PLXNA4: variants seen among roughly 807,000 people sequenced by gnomAD.
PLXNA4 encodes the protein plexin A4.
In PLXNA4, 44 loss-of-function variants were observed where a neutral mutation model predicts 191.8. The ratio of observed to expected loss-of-function variants is 0.23; its 90% CI spans 0.18 to 0.29. PLXNA4 has a LOEUF of 0.29. Among genes scored for constraint, PLXNA4 ranks in the 10% least tolerant of loss-of-function variants. PLXNA4 has a pLI of 1.00. For synonymous variants in PLXNA4, 1,082 were observed against 1,009.5 expected, an observed-to-expected ratio of 1.07 and a Z score of -1.36; for missense variants, 1,800 against 2,488.8, an observed-to-expected ratio of 0.72 and a Z score of 5.89.
At chr7:132,583,973 T>C (rs1802458576) in intron 2 of PLXNA4, among the ~76,000 whole-genome samples, 1 of 152,204 alleles carries the variant, frequency 6.6e-6, no homozygotes, top group African/African-American at 2.4e-5. Flanking sequence ...AATCAGCCAC[T>C]GTGGATGTAT....
In PLXNA4 at chr7:132,202,674, CT is replaced by C; in HGVS notation, c.2557del (p.Ser853AlafsTer11). The stretch of plus-strand genomic sequence containing the variant: ...TGTGATGCGGGGGTTTGTGCACTTG[CT>C]TTTGGCACCAGACAGCTCCAGCCAC... ...SQWLELSGAK[S>X]KCTNPRITEI... On this transcript the variant is annotated frameshift_variant, in exon 12 of 32. Coordinates refer to ENST00000321063, the MANE Select transcript of PLXNA4 (RefSeq NM_020911.2). LOFTEE classifies it high-confidence loss of function. 6.4e-7 allele frequency: 1 copy of C among 1,551,068 alleles called. No individual in the cohort carries two copies.
intron 9 of PLXNA4, among the ~76,000 whole-genome samples, chr7:132,213,975 T>A (rs1797883734): frequency 6.6e-6 from 1 of 152,146 alleles, no homozygotes; most frequent in African/African-American, 2.4e-5. Flanking sequence ...CCCCATCTAT[T>A]TTGCAAAGGA....
chr7:132,182,203 AAAG>A lies in PLXNA4; in HGVS notation c.3159-16_3159-14del, dbSNP rs746548439. 3 of 1,613,714 alleles carry A rather than the reference AAAG, an allele frequency of 1.9e-6. No individual in the cohort carries two copies. The highest frequency in any genetic ancestry group is 2.2e-5 in the East Asian group (1 of 44,872). Reference sequence around the variant, plus strand: ...GGGTGTGTTTCCACTGAGCAGGAAGAAAGAAGGAGATGTGTAAATGATAAGTTC... The same window carrying A: ...GGGTGTGTTTCCACTGAGCAGGAAGAAAGGAGATGTGTAAATGATAAGTTC... On this transcript the variant is annotated splice_polypyrimidine_tract_variant and intron_variant, in intron 16 of 31. Coordinates refer to ENST00000321063, the MANE Select transcript of PLXNA4 (RefSeq NM_020911.2).
chr7:132,217,656 C>T (rs10155980), intron 9 of PLXNA4, among the ~76,000 whole-genome samples: 146 of 152,218 alleles, frequency 9.6e-4, no homozygotes, highest in African/African-American at 3.2e-3. Context: ...AAAAATGTAA[C>T]GCATCATATA....
At chr7:132,516,153 C>A (rs1454979657) in intron 1 of PLXNA4, among the ~76,000 whole-genome samples, 1 of 152,158 alleles carries the variant, frequency 6.6e-6, no homozygotes, top group African/African-American at 2.4e-5. Flanking sequence ...AGGGACCAAC[C>A]TAAAAAACTG....
intron 3 of PLXNA4, among the ~76,000 whole-genome samples, chr7:132,470,530 T>A (rs748566297): frequency 7.8e-4 from 118 of 152,122 alleles, no homozygotes; most frequent in Non-Finnish European, 1.2e-3. Context: ...GATGTCCACA[T>A]CCTAATCCTC....
At chr7:132,414,652 C>G (rs1794592534) in intron 3 of PLXNA4, among the ~76,000 whole-genome samples, 1 of 152,174 alleles carries the variant, frequency 6.6e-6, no homozygotes, top group African/African-American at 2.4e-5. Flanking sequence ...AAGTACTCCA[C>G]TGATTATGAG....
intron 1 of PLXNA4, among the ~76,000 whole-genome samples, chr7:132,570,287 T>A (rs141822440): frequency 5.3e-5 from 8 of 152,320 alleles, no homozygotes; most frequent in African/African-American, 1.7e-4. Flanking sequence ...GAACTCCAAC[T>A]GACTCTAGCA....
rs567656198 is a variant in PLXNA4, at chr7:132,182,202, G to A, written c.3159-12C>T. Reference sequence around the variant, plus strand: ...TGGGTGTGTTTCCACTGAGCAGGAAGAAAGAAGGAGATGTGTAAATGATAA... The same window carrying A: ...TGGGTGTGTTTCCACTGAGCAGGAAAAAAGAAGGAGATGTGTAAATGATAA... On this transcript the variant is annotated splice_polypyrimidine_tract_variant and intron_variant, in intron 16 of 31. Coordinates refer to ENST00000321063, the MANE Select transcript of PLXNA4 (RefSeq NM_020911.2). 6.2e-6 allele frequency: 10 copies of A among 1,613,766 alleles called. No homozygotes were observed. The Admixed American group carries it at 8.3e-5, about 13-fold the overall frequency.
intron 2 of PLXNA4, among the ~76,000 whole-genome samples, chr7:132,492,334 G>A (rs374762494): frequency 1.7e-4 from 26 of 152,250 alleles, no homozygotes; most frequent in South Asian, 1.0e-3. Context: ...GGCTGGGCAC[G>A]ACAGAAGGAC....
rs1563048489 is a variant in PLXNA4 at position 132,132,488 on chromosome 7, C to CTTTCTATTCTAT, written c.5589+560_5589+561insATAGAATAGAAA. 3.4e-3 allele frequency among the ~76,000 whole-genome samples: 284 copies of CTTTCTATTCTAT among 84,396 alleles called. 16 individuals are homozygous for CTTTCTATTCTAT. The highest frequency in any genetic ancestry group is 6.2e-3 in the South Asian group (15 of 2,436). The allele number at this position is 84,396 out of a possible 152,430, so 55.4% of individuals were successfully genotyped here. On this transcript the variant is annotated intron_variant, in intron 31 of 31. Coordinates refer to ENST00000321063, the MANE Select transcript of PLXNA4 (RefSeq NM_020911.2). ...TTCTGCTCTGCTCTGCTCTGCTCTG[C>CTTTCTATTCTAT]TCTATTCTTTTCTATTCTATTCTAT...
intron 4 of PLXNA4, among the ~76,000 whole-genome samples, chr7:132,260,714 C>T (rs80203415): frequency 0.039 from 5,844 of 150,580 alleles, 380 homozygotes; most frequent in African/African-American, 0.13. Flanking sequence ...AGGGGTTGGA[C>T]GGGGTTGTGG....
At chr7:132,503,583 C>T (rs1798342017) in intron 2 of PLXNA4, among the ~76,000 whole-genome samples, 1 of 152,200 alleles carries the variant, frequency 6.6e-6, no homozygotes, top group Non-Finnish European at 1.5e-5. Flanking sequence ...CAGGTGTGGG[C>T]TCCCCAGCCT....
chr7:132,595,855 T>C (rs879358976), intron 2 of PLXNA4, among the ~76,000 whole-genome samples: 18 of 152,222 alleles, frequency 1.2e-4, no homozygotes, highest in Non-Finnish European at 2.5e-4. Context: ...TTTGTAGACA[T>C]CATGAAATTT....
intron 1 of PLXNA4, among the ~76,000 whole-genome samples, chr7:132,571,160 C>T (rs1372824462): frequency 6.6e-6 from 1 of 152,122 alleles, no homozygotes; most frequent in Non-Finnish European, 1.5e-5. Context: ...ATGTTCAGAC[C>T]AGAGGGACTG....
At chr7:132,188,956 A>AGGAGAGGAGAGGAGAGGAGAGGAGAGGAG (rs1562908616) in intron 14 of PLXNA4, among the ~76,000 whole-genome samples, 1 of 47,596 alleles carries the variant, frequency 2.1e-5, no homozygotes. Context: ...CCAGAGAGGA[A>AGGAGAGGAGAGGAGAGGAGAGGAGAGGAG]AGGAAAGGAA....
At chr7:132,564,468 C>T (rs951692583) in intron 1 of PLXNA4, among the ~76,000 whole-genome samples, 12 of 151,900 alleles carry the variant, frequency 7.9e-5, no homozygotes, top group East Asian at 3.9e-4. Flanking sequence ...GATGGGTGCC[C>T]GTCTTCCTAT....
At chr7:132,159,163 T>G (rs1056592580) in intron 25 of PLXNA4, among the ~76,000 whole-genome samples, 2 of 152,138 alleles carry the variant, frequency 1.3e-5, no homozygotes, top group South Asian at 4.1e-4. Flanking sequence ...ATATGACTCC[T>G]TCATTTCCCA....
intron 4 of PLXNA4, among the ~76,000 whole-genome samples, chr7:132,266,764 T>G (rs1316070778): frequency 2.0e-5 from 3 of 152,218 alleles, no homozygotes; most frequent in Non-Finnish European, 4.4e-5. Context: ...ATTTCTACTT[T>G]CCATCCAAGG....
Sources: gnomAD v4.1 joint callset for allele counts (sites outside exome capture counted in the v4.1 genomes callset) on GRCh38, gnomAD v4.1.1 for gene constraint, MANE v1.5 for transcripts, NCBI Gene and HGNC (gene_info 2026-07-23, HGNC 2026-07-21) for gene names.